The following ZBTB20 variants were observed in gnomAD, a reference collection of about 807,000 sequenced individuals.
ZBTB20 encodes zinc finger and BTB domain containing 20.
In ZBTB20, 9 loss-of-function variants were observed where a neutral mutation model predicts 56.9. That is an observed-to-expected ratio of 0.16 (90% CI 0.10 to 0.28). The LOEUF is 0.28. Ranked by LOEUF, ZBTB20 falls within the 10% of genes least tolerant of loss-of-function variation. The pLI is 1.00. For missense variants in ZBTB20, 655 were observed against 1,003.0 expected, an observed-to-expected ratio of 0.65 and a Z score of 4.69; for synonymous variants, 417 against 420.7, an observed-to-expected ratio of 0.99 and a Z score of 0.11.
intron 5 of ZBTB20, among the ~76,000 whole-genome samples, chr3:114,759,726 G>A (rs1402872721): frequency 6.6e-6 from 1 of 151,994 alleles, no homozygotes; most frequent in African/African-American, 2.4e-5. Context: ...CCTCAAATCA[G>A]TTTGCAACAA....
intron 4 of ZBTB20, among the ~76,000 whole-genome samples, chr3:114,856,526 G>A (rs77824588): frequency 0.014 from 2,079 of 151,896 alleles, 17 homozygotes; most frequent in Middle Eastern, 0.024. Flanking sequence ...ATCTGATGAT[G>A]TATTTATCAA....
intron 7 of ZBTB20, among the ~76,000 whole-genome samples, chr3:114,466,827 G>C (rs1158995121): frequency 1.3e-5 from 2 of 152,196 alleles, no homozygotes; most frequent in African/African-American, 4.8e-5. Context: ...CTAATATTTA[G>C]AACATGGGAG....
intron 2 of ZBTB20, among the ~76,000 whole-genome samples, chr3:114,991,185 T>G (rs765032709): frequency 6.6e-6 from 1 of 152,194 alleles, no homozygotes; most frequent in Non-Finnish European, 1.5e-5. Context: ...CTAGTTCTTT[T>G]AATTGTGATG....
intron 1 of ZBTB20, among the ~76,000 whole-genome samples, chr3:115,124,582 A>G (rs967984694): frequency 2.6e-5 from 4 of 152,204 alleles, no homozygotes; most frequent in African/African-American, 7.2e-5. Context: ...CCAACCACAT[A>G]TAAGGACTTA....
At chr3:114,419,486 T>C (rs900091407) in intron 7 of ZBTB20, among the ~76,000 whole-genome samples, 1 of 152,090 alleles carries the variant, frequency 6.6e-6, no homozygotes, top group Non-Finnish European at 1.5e-5. Flanking sequence ...ATATATTTAA[T>C]GCTGTCACAT....
intron 6 of ZBTB20, among the ~76,000 whole-genome samples, chr3:114,603,006 T>A (rs1286952960): frequency 6.6e-6 from 1 of 152,070 alleles, no homozygotes; most frequent in Non-Finnish European, 1.5e-5. Context: ...CTATATTCTA[T>A]GCACTATTTA....
chr3:114,547,323 G>A (rs1039752743), intron 6 of ZBTB20, among the ~76,000 whole-genome samples: 15 of 152,118 alleles, frequency 9.9e-5, no homozygotes, highest in African/African-American at 3.6e-4. Context: ...TTGAAGGAAG[G>A]GTGGCCTATT....
intron 4 of ZBTB20, among the ~76,000 whole-genome samples, chr3:114,804,041 C>G (rs570062849): frequency 6.6e-6 from 1 of 151,776 alleles, no homozygotes; most frequent in Non-Finnish European, 1.5e-5. Flanking sequence ...GCAACAGCTC[C>G]GTAATCAATG....
At chr3:115,004,306 TG>T (rs1215379838) in intron 2 of ZBTB20, among the ~76,000 whole-genome samples, 5 of 151,764 alleles carry the variant, frequency 3.3e-5, no homozygotes, top group Non-Finnish European at 5.9e-5. Context: ...TGCACTGCTA[TG>T]GTCTAAAATG....
intron 5 of ZBTB20, chr3:114,791,965 T>G (rs946174392): frequency 2.6e-5 from 4 of 152,158 alleles, no homozygotes; most frequent in African/African-American, 9.7e-5. Context: ...CAGAGAACGG[T>G]GCTTTCAAAT....
chr3:114,381,069 T>A, intron 8 of ZBTB20, 129 bp from the exon 9 acceptor site: 1 of 225,500 alleles, frequency 4.4e-6, no homozygotes. Flanking sequence ...AAATAAAATT[T>A]CAAATCACAA....
At chr3:115,072,089 ATTTCT>A (rs1158241810) in intron 1 of ZBTB20, among the ~76,000 whole-genome samples, 1 of 152,144 alleles carries the variant, frequency 6.6e-6, no homozygotes, top group East Asian at 1.9e-4. Context: ...ATCAGGGTTT[ATTTCT>A]TTTATCTCTG....
intron 8 of ZBTB20, among the ~76,000 whole-genome samples, chr3:114,384,630 T>C (rs2084863975): frequency 6.6e-6 from 1 of 152,164 alleles, no homozygotes; most frequent in Non-Finnish European, 1.5e-5. Context: ...GCTTCAAGAA[T>C]TGGGAGTGTG....
At chr3:114,420,454 T>C (rs1045087384) in intron 7 of ZBTB20, among the ~76,000 whole-genome samples, 7 of 152,128 alleles carry the variant, frequency 4.6e-5, no homozygotes, top group Non-Finnish European at 8.8e-5. Context: ...AGGGCACCCA[T>C]TGGAGCTGAA....
At chr3:114,397,593 G>A (rs565678587) in intron 7 of ZBTB20, among the ~76,000 whole-genome samples, 17 of 146,034 alleles carry the variant, frequency 1.2e-4, no homozygotes, top group African/African-American at 2.8e-4. Flanking sequence ...TTTTTGTCCC[G>A]CATTCAACTC....
intron 7 of ZBTB20, among the ~76,000 whole-genome samples, chr3:114,449,048 T>C (rs957675430): frequency 7.9e-5 from 12 of 152,158 alleles, no homozygotes; most frequent in Admixed American, 5.9e-4. Context: ...GTATTTAAAA[T>C]ATCAGTATTA....
At chr3:115,015,353 A>C (rs1560493743) in intron 2 of ZBTB20, among the ~76,000 whole-genome samples, 1 of 151,810 alleles carries the variant, frequency 6.6e-6, no homozygotes, top group Non-Finnish European at 1.5e-5. Flanking sequence ...CAGGATGTGC[A>C]AGTTTGTTAC....
At chr3:114,950,710 G>C (rs1307650560) in intron 3 of ZBTB20, among the ~76,000 whole-genome samples, 1 of 152,076 alleles carries the variant, frequency 6.6e-6, no homozygotes, top group Non-Finnish European at 1.5e-5. Context: ...AAGACATGTA[G>C]TAGAATATGC....
At chr3:114,868,912 C>T (rs2075878941) in intron 4 of ZBTB20, among the ~76,000 whole-genome samples, 1 of 152,044 alleles carries the variant, frequency 6.6e-6, no homozygotes, top group African/African-American at 2.4e-5. Context: ...TTTAATTACC[C>T]TAACAGTCAT....
Sources: gnomAD v4.1 joint callset for allele counts (sites outside exome capture counted in the v4.1 genomes callset) on GRCh38, gnomAD v4.1.1 for gene constraint, MANE v1.5 for transcripts, NCBI Gene and HGNC (gene_info 2026-07-23, HGNC 2026-07-21) for gene names.